GNAL: variants seen among roughly 807,000 people sequenced by gnomAD.
GNAL encodes guanine nucleotide-binding protein G(olf) subunit alpha.
Under a neutral mutation model 55.1 loss-of-function variants are expected in GNAL, and 18 were observed. The ratio of observed to expected loss-of-function variants is 0.33; its 90% CI spans 0.23 to 0.48. The LOEUF is 0.48. Ranked by LOEUF, GNAL falls within the 20% of genes least tolerant of loss-of-function variation. The pLI is 0.99. For synonymous variants in GNAL, 253 were observed against 237.0 expected (o/e 1.07, Z -0.62); for missense variants, 412 against 614.1 (o/e 0.67, Z 3.48).
At chr18:11,825,157 T>C (rs879798774) in intron 5 of GNAL, 142 bp downstream of exon 5, 27 of 603,910 alleles carry the variant, frequency 4.5e-5, no homozygotes, top group Non-Finnish European at 6.7e-5. Flanking sequence ...ACTTTTAAAA[T>C]GAGACATGTT....
chr18:11,839,423 T>C (rs2035565152), intron 5 of GNAL, among the ~76,000 whole-genome samples: 2 of 151,628 alleles, frequency 1.3e-5, no homozygotes, highest in Admixed American at 1.3e-4. Flanking sequence ...CATGGTGGTG[T>C]GCACCTGTGG....
chr18:11,804,915 G>A (rs1315588607), intron 4 of GNAL, among the ~76,000 whole-genome samples: 14 of 146,062 alleles, frequency 9.6e-5, no homozygotes, highest in South Asian at 4.4e-4. Flanking sequence ...TACAGGTGCA[G>A]TTTGGGTGGA....
At chr18:11,845,781 G>C (rs534113702) in intron 5 of GNAL, among the ~76,000 whole-genome samples, 1 of 149,514 alleles carries the variant, frequency 6.7e-6, no homozygotes, top group Admixed American at 6.7e-5. Context: ...GAGAGAGAGA[G>C]AGAGAGAAAG....
intron 1 of GNAL, among the ~76,000 whole-genome samples, chr18:11,706,906 A>T (rs1045031642): frequency 6.6e-6 from 1 of 152,234 alleles, no homozygotes; most frequent in African/African-American, 2.4e-5. Flanking sequence ...GAGGGTTGCA[A>T]TCAACTTCTT....
intron 1 of GNAL, among the ~76,000 whole-genome samples, chr18:11,692,592 C>G (rs984668782): frequency 2.0e-5 from 3 of 152,028 alleles, no homozygotes; most frequent in Non-Finnish European, 2.9e-5. Context: ...AAAGTATACC[C>G]TCATCCACAT....
At position 11,753,864 on chromosome 18, in the gene GNAL, TC is replaced by T; in HGVS notation, c.545del (p.Pro182ArgfsTer17). 1 of 1,609,752 alleles carries T rather than the reference TC, an allele frequency of 6.2e-7. No individual in the cohort carries two copies. The highest frequency in any genetic ancestry group is 8.5e-7 in the Non-Finnish European group (1 of 1,176,044). ...SAMSTIIPPV[P>X]LANPENQFRS... ...CAATGAGTACTATAATACCTCCAGT[TC>T]CGCTGGCCAACCCTGAAAACCAATT... On this transcript the variant is annotated frameshift_variant, in exon 4 of 12. Transcript: ENST00000334049. LOFTEE classifies it high-confidence loss of function.
intron 1 of GNAL, among the ~76,000 whole-genome samples, chr18:11,750,925 C>T (rs2032805097): frequency 6.6e-6 from 1 of 151,854 alleles, no homozygotes; most frequent in African/African-American, 2.4e-5. Flanking sequence ...GGAAGGTGCG[C>T]TGGGTGAGGG....
intron 4 of GNAL, among the ~76,000 whole-genome samples, chr18:11,758,385 G>T (rs2033130903): frequency 6.6e-6 from 1 of 152,124 alleles, no homozygotes; most frequent in Non-Finnish European, 1.5e-5. Context: ...AACAGTGATG[G>T]ATGATAAAAT....
At chr18:11,746,433 GAC>G (rs768909174) in intron 1 of GNAL, 12 of 253,240 alleles carry the variant, frequency 4.7e-5, no homozygotes, top group Non-Finnish European at 8.6e-5. Flanking sequence ...AACATAGCAA[GAC>G]CCCATCTCTA....
chr18:11,739,971 A>G (rs2143474138), intron 1 of GNAL, among the ~76,000 whole-genome samples: 1 of 150,792 alleles, frequency 6.6e-6, no homozygotes, highest in Admixed American at 6.6e-5. Context: ...ATTCCACCCG[A>G]CCCATGCTTC....
intron 5 of GNAL, among the ~76,000 whole-genome samples, chr18:11,842,639 G>A (rs1046308411): frequency 3.3e-5 from 5 of 152,002 alleles, no homozygotes; most frequent in African/African-American, 1.2e-4. Flanking sequence ...AATAGGGTTC[G>A]TGCTCCTATG....
intron 1 of GNAL, among the ~76,000 whole-genome samples, chr18:11,734,435 C>T (rs1030663707): frequency 1.4e-4 from 22 of 151,894 alleles, no homozygotes; most frequent in Non-Finnish European, 2.2e-4. Context: ...CCCACCGCGC[C>T]GGGTGTAGAT....
intron 4 of GNAL, among the ~76,000 whole-genome samples, chr18:11,788,607 C>T (rs1430570182): frequency 6.6e-6 from 1 of 152,020 alleles, no homozygotes; most frequent in Non-Finnish European, 1.5e-5. Context: ...CATGGTGGCT[C>T]ATGCCTGTAA....
At chr18:11,798,853 G>A (rs1203156060) in intron 4 of GNAL, among the ~76,000 whole-genome samples, 2 of 152,086 alleles carry the variant, frequency 1.3e-5, no homozygotes, top group African/African-American at 4.8e-5. Flanking sequence ...CACGGTGGGT[G>A]GCTCATGCCT....
Position 11,689,846 on chromosome 18 carries a change from G to A in GNAL, c.283G>A (p.Val95Ile). The A allele has an allele frequency of 6.5e-7, 1 of 1,534,682 alleles. No homozygotes were observed. The highest frequency in any genetic ancestry group is 8.7e-7 in the Non-Finnish European group (1 of 1,143,830). Reference sequence around the variant, plus strand: ...CGAGGCGGCCAAGGAGCGCGAGGCGGTCAAGGAGGCGAGGAAAGTGAGCCG... The same window carrying A: ...CGAGGCGGCCAAGGAGCGCGAGGCGATCAAGGAGGCGAGGAAAGTGAGCCG... The part of the protein sequence containing the change: ...EREAAKEREA[V>I]KEARKVSRGI... Residue 95 changes from valine (V) to isoleucine (I), a missense_variant, in exon 1 of 12, where the codon GTC becomes ATC. This residue lies in a region of GNAL where 228 missense variants were observed against 194.8 expected (regional missense o/e 1.17). Coordinates refer to ENST00000334049, the MANE Select transcript of GNAL (RefSeq NM_182978.4).
intron 5 of GNAL, among the ~76,000 whole-genome samples, chr18:11,837,067 C>T (rs1231412586): frequency 6.6e-6 from 1 of 152,204 alleles, no homozygotes; most frequent in Non-Finnish European, 1.5e-5. Context: ...TATTCTCCTG[C>T]CTCAGCCTGC....
At chr18:11,742,705 C>T (rs190714883) in intron 1 of GNAL, among the ~76,000 whole-genome samples, 17 of 152,318 alleles carry the variant, frequency 1.1e-4, no homozygotes, top group Non-Finnish European at 2.4e-4. Context: ...CTTAAATGTG[C>T]GCCTTCCCTC....
intron 4 of GNAL, among the ~76,000 whole-genome samples, chr18:11,817,937 A>C (rs1486753437): frequency 6.6e-6 from 1 of 151,570 alleles, no homozygotes; most frequent in Non-Finnish European, 1.5e-5. Context: ...GTTCCTCAAT[A>C]GAATTTTAGA....
chr18:11,847,449 T>C (rs142256470), intron 5 of GNAL, among the ~76,000 whole-genome samples: 107 of 151,992 alleles, frequency 7.0e-4, no homozygotes, highest in Non-Finnish European at 1.1e-3. Context: ...TCTTTTCCAG[T>C]GAAGTAAAAC....
Sources: allele counts gnomAD v4.1 joint callset (sites outside exome capture counted in the v4.1 genomes callset), GRCh38; gene constraint gnomAD v4.1.1; regional missense constraint gnomAD v4.1.1; transcripts MANE v1.5; gene names NCBI Gene and HGNC (gene_info 2026-07-23, HGNC 2026-07-21).